Variants in WIPF1 observed in about 807,000 individuals in gnomAD.
WIPF1 encodes WAS/WASL-interacting protein family member 1.
WIPF1 carries 13 observed loss-of-function variants against 35.4 expected under a neutral mutation model. That is an observed-to-expected ratio of 0.37 (90% confidence interval 0.24 to 0.58). The LOEUF (loss-of-function observed/expected upper bound fraction) is 0.58. Among genes scored for constraint, WIPF1 ranks in the 20% least tolerant of loss-of-function variants. WIPF1 has a pLI of 0.74. For synonymous variants in WIPF1, 267 were observed against 266.3 expected (o/e 1.00, Z -0.02); for missense variants, 591 against 667.0 (o/e 0.89, Z 1.25).
upstream of WIPF1, among the ~76,000 whole-genome samples, chr2:174,601,197 G>A (rs1685996718): frequency 6.6e-6 from 1 of 152,120 alleles, no homozygotes; most frequent in African/African-American, 2.4e-5. Flanking sequence ...AAAGTGCTGG[G>A]ATTATAGGTG....
At chr2:174,578,823 A>G (rs1409935701) in intron 3 of WIPF1, among the ~76,000 whole-genome samples, 1 of 152,240 alleles carries the variant, frequency 6.6e-6, no homozygotes, top group Non-Finnish European at 1.5e-5. Context: ...TATAAGACTA[A>G]CAATTTCTAG....
intron 2 of WIPF1, 84 bp downstream of exon 2, chr2:174,585,439 T>G (rs1328003838): frequency 1.4e-6 from 2 of 1,397,040 alleles, no homozygotes; most frequent in Non-Finnish European, 2.0e-6. Context: ...TGCAAACACA[T>G]TTAATACAAA....
At chr2:174,602,512 C>A (rs1421711498), upstream of WIPF1, among the ~76,000 whole-genome samples, 2 of 152,208 alleles carry the variant, frequency 1.3e-5, no homozygotes, top group African/African-American at 4.8e-5. Context: ...TCTTATACTG[C>A]AGAATGACTC....
chr2:174,605,369 C>T (rs1284224402), intron 1 of WIPF1, among the ~76,000 whole-genome samples: 2 of 152,064 alleles, frequency 1.3e-5, no homozygotes, highest in African/African-American at 2.4e-5. Flanking sequence ...ACCCGGAAGG[C>T]GGAGGTTACA....
intron 1 of WIPF1, among the ~76,000 whole-genome samples, chr2:174,589,071 G>A (rs1029782636): frequency 6.6e-6 from 1 of 152,186 alleles, no homozygotes; most frequent in East Asian, 1.9e-4. Flanking sequence ...CAAGGGAAGT[G>A]TGTGAGAAAC....
intron 4 of WIPF1, chr2:174,574,649 T>C (rs774314088): frequency 2.0e-6 from 1 of 502,766 alleles, no homozygotes; most frequent in African/African-American, 1.9e-5. Context: ...ATCAGGTTCA[T>C]AGACAATCCT....
intron 1 of WIPF1, among the ~76,000 whole-genome samples, chr2:174,644,848 A>G (rs889292447): frequency 6.6e-6 from 1 of 152,240 alleles, no homozygotes; most frequent in Non-Finnish European, 1.5e-5. Flanking sequence ...AGAATTCACA[A>G]TCTTTTTTTC....
intron 1 of WIPF1, among the ~76,000 whole-genome samples, chr2:174,682,119 AC>A (rs1319308439): frequency 6.6e-6 from 1 of 151,974 alleles, no homozygotes; most frequent in Non-Finnish European, 1.5e-5. Flanking sequence ...TCGGGGGATC[AC>A]CCCCCCTCAA....
At chr2:174,567,577 CT>C (rs1471877230) in intron 6 of WIPF1, among the ~76,000 whole-genome samples, 1 of 152,204 alleles carries the variant, frequency 6.6e-6, no homozygotes, top group Non-Finnish European at 1.5e-5. Context: ...TAAAAAGATT[CT>C]TTTCAGAATC....
At chr2:174,634,912 G>A (rs905921161) in intron 1 of WIPF1, among the ~76,000 whole-genome samples, 9 of 152,182 alleles carry the variant, frequency 5.9e-5, no homozygotes, top group African/African-American at 2.2e-4. Context: ...GGGGCAGAGC[G>A]CTCACAGAGG....
chr2:174,608,845 T>C (rs886779372), intron 1 of WIPF1, among the ~76,000 whole-genome samples: 3 of 152,250 alleles, frequency 2.0e-5, no homozygotes, highest in Admixed American at 6.5e-5. Flanking sequence ...GACTTCTCTG[T>C]AGCTAAATGG....
intron 1 of WIPF1, among the ~76,000 whole-genome samples, chr2:174,651,655 G>A (rs1274160271): frequency 1.3e-5 from 2 of 152,084 alleles, no homozygotes; most frequent in Admixed American, 6.5e-5. Context: ...CAAACACAAC[G>A]ATGTGTTATA....
At chr2:174,676,111 G>A (rs1688125057) in intron 1 of WIPF1, among the ~76,000 whole-genome samples, 1 of 150,648 alleles carries the variant, frequency 6.6e-6, no homozygotes, top group South Asian at 2.1e-4. Flanking sequence ...CACCATGCCT[G>A]GCTTTTTTTT....
At chr2:174,633,555 T>C (rs1687092349) in intron 1 of WIPF1, among the ~76,000 whole-genome samples, 1 of 152,242 alleles carries the variant, frequency 6.6e-6, no homozygotes, top group Non-Finnish European at 1.5e-5. Flanking sequence ...ATGTAGGAAC[T>C]TCCTTCTCTT....
rs549360077 is a variant in WIPF1 at position 174,639,263 on chromosome 2, C to T, written c.-39+43511G>A. Among the ~76,000 whole-genome samples, 99 of 152,250 alleles carry T rather than the reference C, an allele frequency of 6.5e-4. No homozygotes were observed. In the Middle Eastern group the frequency reaches 0.01, roughly 16 times the overall value. ...AATGTCTACTAAGGTCTTTTGCTCA[C>T]TTTTATTTTTGAGACAGGGTCTTGC... is the stretch of plus-strand genomic sequence containing the variant. On this transcript the variant is annotated intron_variant, in intron 1 of 8. Transcript: ENST00000272746.
At chr2:174,641,184 G>C (rs1574855980) in intron 1 of WIPF1, among the ~76,000 whole-genome samples, 1 of 152,178 alleles carries the variant, frequency 6.6e-6, no homozygotes, top group South Asian at 2.1e-4. Context: ...TGGGAACATT[G>C]GATATCCATG....
At chr2:174,637,183 T>C (rs1201680643) in intron 1 of WIPF1, among the ~76,000 whole-genome samples, 3 of 152,340 alleles carry the variant, frequency 2.0e-5, no homozygotes, top group Non-Finnish European at 4.4e-5. Flanking sequence ...CTTCGGCCAC[T>C]GGGAGCTCTT....
chr2:174,595,305 A>C (rs960701829), intron 1 of WIPF1, among the ~76,000 whole-genome samples: 3 of 147,700 alleles, frequency 2.0e-5, no homozygotes, highest in Admixed American at 6.8e-5. Flanking sequence ...AAAAAAAAAA[A>C]AAAAACAGAA....
chr2:174,572,416 G>A lies in WIPF1; in HGVS notation c.389C>T (p.Pro130Leu). 1 of 1,614,162 alleles carries A rather than the reference G, an allele frequency of 6.2e-7. No homozygotes were observed. The change falls in exon 5 of 8, where the codon CCA becomes CTA. Residue 130 changes from proline to leucine, a missense_variant. By Grantham distance (98) the Pro-to-Leu change is moderately conservative (BLOSUM62 -3). Around this residue, in one of 3 missense-constraint regions of WIPF1, gnomAD observed 471 missense variants for 501.1 expected, o/e 0.94. Coordinates refer to ENST00000679041, the MANE Select transcript of WIPF1 (RefSeq NM_001375834.1). ...CGCAGATGTGGATCTTCCTCCCGGT[G>A]GCAACAATGGTGGTCGGCTTCCTCC... ...DSGGSRPPLL[P>L]PGGRSTSAKP...
Sources: gnomAD v4.1 joint callset for allele counts (sites outside exome capture counted in the v4.1 genomes callset) on GRCh38, gnomAD v4.1.1 for gene constraint, gnomAD v4.1.1 regional missense constraint, MANE v1.5 for transcripts, NCBI Gene and HGNC (gene_info 2026-07-23, HGNC 2026-07-21) for gene names.